The following ZNF829 variants were observed in gnomAD, a reference collection of about 807,000 sequenced individuals.
ZNF829 encodes the protein zinc finger protein 829.
A neutral mutation model predicts 35.2 loss-of-function variants in ZNF829; 25 were observed. That is an observed-to-expected ratio of 0.71 (90% CI 0.52 to 0.99). ZNF829 has a LOEUF of 0.99. ZNF829 is among the 50% of genes least tolerant of loss of function. The pLI, the probability that ZNF829 is intolerant of heterozygous loss-of-function variation, is 0.00. For missense variants in ZNF829, 417 were observed against 515.3 expected (o/e 0.81, Z 1.85); for synonymous variants, 136 against 163.2 (o/e 0.83, Z 1.27).
chr19:36,897,727 G>C lies in ZNF829; in HGVS notation c.320-5256C>G, dbSNP rs186810573. 2.6e-3 allele frequency among the ~76,000 whole-genome samples: 389 copies of C among 152,186 alleles called. 1 individual carries two copies. The highest frequency in any genetic ancestry group is 4.4e-3 in the Non-Finnish European group (298 of 68,016). On this transcript the variant is annotated intron_variant, in intron 5 of 5. Transcript: ENST00000391711. ...ATCAGGCAAGAGAAAGAAATAAAAG[G>C]CATCCAGATTGGATAATAGAAAGTC...
intron 3 of ZNF829, among the ~76,000 whole-genome samples, chr19:36,910,246 A>G (rs1166661482): frequency 6.6e-6 from 1 of 152,008 alleles, no homozygotes; most frequent in Non-Finnish European, 1.5e-5. Context: ...CACCACACCC[A>G]GCTAATTTTT....
At chr19:36,915,759 G>C (rs2073317885) in intron 1 of ZNF829, 1 of 1,157,416 alleles carries the variant, frequency 8.6e-7, no homozygotes, top group South Asian at 1.4e-5. Flanking sequence ...ACCATGCCTA[G>C]CTAATTTTTG....
intron 5 of ZNF829, among the ~76,000 whole-genome samples, chr19:36,898,714 A>G (rs930433750): frequency 1.3e-5 from 2 of 152,190 alleles, no homozygotes; most frequent in African/African-American, 4.8e-5. Context: ...ATTTATAGTC[A>G]ACTGATGGTT....
chr19:36,900,329 GC>G (rs2073154419), intron 5 of ZNF829, among the ~76,000 whole-genome samples: 1 of 150,400 alleles, frequency 6.6e-6, no homozygotes, highest in Admixed American at 6.6e-5. Flanking sequence ...CTGCACTTCA[GC>G]CTGGGTGACA....
intron 5 of ZNF829, among the ~76,000 whole-genome samples, chr19:36,898,076 GA>G (rs923741429): frequency 1.3e-5 from 2 of 152,114 alleles, no homozygotes; most frequent in Non-Finnish European, 2.9e-5. Flanking sequence ...GGCTGAGGCA[GA>G]ACTGCTTGAA....
At chr19:36,903,137 G>A (rs749342261) in intron 5 of ZNF829, among the ~76,000 whole-genome samples, 7 of 152,140 alleles carry the variant, frequency 4.6e-5, no homozygotes, top group Non-Finnish European at 8.8e-5. Flanking sequence ...CAAGAAAATG[G>A]ACATTAAGTA....
chr19:36,907,439 C>T (rs1600740507), intron 5 of ZNF829: 1 of 153,814 alleles, frequency 6.5e-6, no homozygotes, highest in African/African-American at 2.4e-5. Context: ...TTTCACCATT[C>T]TCAATTTCAC....
intron 5 of ZNF829, among the ~76,000 whole-genome samples, chr19:36,900,445 A>C (rs2146236737): frequency 6.6e-6 from 1 of 152,080 alleles, no homozygotes; most frequent in East Asian, 1.9e-4. Flanking sequence ...TAGATATCCC[A>C]TTTCTCCTGA....
chr19:36,903,175 AC>A (rs1369553095), intron 5 of ZNF829, among the ~76,000 whole-genome samples: 2 of 152,128 alleles, frequency 1.3e-5, no homozygotes, highest in African/African-American at 4.8e-5. Context: ...ATCCTCGAAA[AC>A]CTGGATGATT....
intron 5 of ZNF829, chr19:36,901,875 C>T (rs1034989018): frequency 1.3e-6 from 1 of 758,558 alleles, no homozygotes; most frequent in Non-Finnish European, 2.5e-6. Flanking sequence ...GCCCCTCGGA[C>T]ACTCAAAGAG....
chr19:36,907,703 G>T (rs1002057778), intron 5 of ZNF829: 2 of 411,342 alleles, frequency 4.9e-6, no homozygotes, highest in African/African-American at 4.2e-5. Context: ...TAAACGTAGC[G>T]TATCATAGGA....
Position 36,891,846 on chromosome 19 carries a change from C to G in ZNF829, c.945G>C (p.Gln315His). The change falls in exon 6 of 6, where the codon CAG becomes CAC. Residue 315 changes from glutamine (Q) to histidine (H), a missense_variant. Coordinates refer to ENST00000391711, the MANE Select transcript of ZNF829 (RefSeq NM_001037232.4). ...AAGGTTTCTCACCAGTATGCATTCT[C>G]TGATGCTGAATAAGCCTTGAGTGTT... ...FTQHSRLIQH[Q>H]RMHTGEKPYE... 1 of 1,614,138 alleles carries G rather than the reference C, an allele frequency of 6.2e-7. No homozygotes were observed. Among genetic ancestry groups the G allele is most frequent in the South Asian group, 1.1e-5 (1 of 91,068 alleles).
chr19:36,903,756 TGGC>T (rs2073192047), intron 5 of ZNF829, among the ~76,000 whole-genome samples: 1 of 114,536 alleles, frequency 8.7e-6, no homozygotes, highest in South Asian at 3.1e-4. Flanking sequence ...CCGGGCATGG[TGGC>T]AGGTGCCTCT....
intron 5 of ZNF829, among the ~76,000 whole-genome samples, chr19:36,896,555 A>G (rs977842484): frequency 1.3e-5 from 2 of 152,274 alleles, no homozygotes; most frequent in Admixed American, 6.5e-5. Context: ...CACTCTCAGC[A>G]TTAGACAGTT....
intron 3 of ZNF829, among the ~76,000 whole-genome samples, chr19:36,910,465 C>A (rs530443598): frequency 6.6e-6 from 1 of 152,308 alleles, no homozygotes; most frequent in East Asian, 1.9e-4. Context: ...CTTTAAGTTT[C>A]TTGGAAATTA....
At chr19:36,914,809 A>G (rs997351360) in intron 3 of ZNF829, among the ~76,000 whole-genome samples, 156 bp downstream of exon 3, 1 of 152,088 alleles carries the variant, frequency 6.6e-6, no homozygotes, top group Admixed American at 6.6e-5. Context: ...TCATCCTTTT[A>G]TTTTTAAATC....
Position 36,905,890 on chromosome 19 carries a change from T to C in ZNF829, c.319+2039A>G, listed in dbSNP as rs1450717674. 2.0e-5 allele frequency: 3 copies of C among 152,162 alleles called. No individual in the cohort carries two copies. In the East Asian group the frequency reaches 5.8e-4, roughly 29 times the overall value. The allele number at this position is 152,162 out of a possible 1,614,324, so 9.4% of individuals were successfully genotyped here. On this transcript the variant is annotated intron_variant, in intron 5 of 5. Coordinates refer to ENST00000391711, the MANE Select transcript of ZNF829 (RefSeq NM_001037232.4). ...AAGCCAAAGGAACAGAATTCAGAGA[T>C]AGACTCACAGAAATAGGAATACCTG...
At position 36,890,926 on chromosome 19, in the gene ZNF829, A is replaced by G. The variant is rs1423636455; in HGVS notation, c.*566T>C. ...AAAGGAAATTACAAATATATTAGACAAAATCATTCTAACAGGGTATTATGG... is the reference window on the plus strand; with the variant it reads ...AAAGGAAATTACAAATATATTAGACGAAATCATTCTAACAGGGTATTATGG... On this transcript the variant is annotated 3_prime_UTR_variant, in exon 6 of 6. Coordinates refer to ENST00000391711, the MANE Select transcript of ZNF829 (RefSeq NM_001037232.4). 2.6e-5 allele frequency: 4 copies of G among 152,264 alleles called. No individual in the cohort carries two copies. Among genetic ancestry groups the G allele is most frequent in the African/African-American group, 9.6e-5 (4 of 41,466 alleles). 9.4% of individuals were successfully genotyped at this position (152,264 alleles called of 1,614,324 possible). A position where few individuals can be genotyped will look rare whatever the true frequency, so the allele number is the denominator to read the frequency against.
rs1163426000 is a variant in ZNF829 at position 36,892,326 on chromosome 19, T to A, written c.465A>T (p.Pro155=). The A allele has an allele frequency of 1.1e-5, 18 of 1,613,848 alleles. No homozygotes were observed. In the East Asian group the frequency reaches 3.8e-4, roughly 34 times the overall value. The change falls in exon 6 of 6, where the codon CCA becomes CCT. Residue 155 remains proline (P), a synonymous_variant. Transcript: ENST00000391711. ...TCTTTCCACATATCTTACATTCCCATGGTTTCTCTTCACTCATAGTTTTTT... is the reference window on the plus strand; with the variant it reads ...TCTTTCCACATATCTTACATTCCCAAGGTTTCTCTTCACTCATAGTTTTTT... ...PPQKTMSEEK[P]WECKICGKTF... is the part of the protein sequence containing the mutation.
Sources: allele counts gnomAD v4.1 joint callset (sites outside exome capture counted in the v4.1 genomes callset), GRCh38; gene constraint gnomAD v4.1.1; transcripts MANE v1.5; gene names NCBI Gene and HGNC (gene_info 2026-07-23, HGNC 2026-07-21).